RILPL1: variants seen among roughly 807,000 people sequenced by gnomAD.
The protein encoded by RILPL1 is RILP-like protein 1.
Under a neutral mutation model 50.3 loss-of-function variants are expected in RILPL1, and 33 were observed. That is an observed-to-expected ratio of 0.66 (90% CI 0.50 to 0.88). The LOEUF is 0.88. Ranked by LOEUF, RILPL1 falls within the 40% of genes least tolerant of loss-of-function variation. RILPL1 has a pLI of 0.00. For synonymous variants in RILPL1, 205 were observed against 228.6 expected (o/e 0.90, Z 0.93); for missense variants, 418 against 542.5 (o/e 0.77, Z 2.28).
intron 4 of RILPL1, among the ~76,000 whole-genome samples, chr12:123,487,381 C>A (rs558693234): frequency 6.6e-6 from 1 of 152,224 alleles, no homozygotes; most frequent in South Asian, 2.1e-4. Flanking sequence ...CAGCTCACTT[C>A]AACCTCTGCC....
chr12:123,524,050 CCT>C (rs902517308), intron 1 of RILPL1, among the ~76,000 whole-genome samples: 3 of 152,190 alleles, frequency 2.0e-5, no homozygotes, highest in African/African-American at 7.2e-5. Context: ...GAGCCAGAGG[CCT>C]CGAGAATCCT....
chr12:123,472,696 A>G lies in RILPL1; in HGVS notation c.1068-14T>C, dbSNP rs1881275694. On this transcript the variant is annotated splice_polypyrimidine_tract_variant and intron_variant, in intron 6 of 6. Coordinates refer to ENST00000376874, the MANE Select transcript of RILPL1 (RefSeq NM_178314.5). ...AAGAAGCTAAACCTTTGGAAGGGAA[A>G]GCAAACACAGAAATGAGAGCTGACC... 1.3e-6 allele frequency: 2 copies of G among 1,589,724 alleles called. No individual in the cohort carries two copies. The highest frequency in any genetic ancestry group is 1.7e-6 in the Non-Finnish European group (2 of 1,167,788).
intron 1 of RILPL1, among the ~76,000 whole-genome samples, chr12:123,532,860 T>C (rs954943246): frequency 6.6e-6 from 1 of 152,190 alleles, no homozygotes; most frequent in African/African-American, 2.4e-5. Flanking sequence ...TGGGTCCTAT[T>C]ATGATTACCA....
chr12:123,492,552 G>A (rs2139329058), intron 4 of RILPL1, among the ~76,000 whole-genome samples: 1 of 152,308 alleles, frequency 6.6e-6, no homozygotes, highest in East Asian at 1.9e-4. Context: ...CAATAAGGAA[G>A]TTATAAAAAT....
chr12:123,518,342 C>CA (rs1174721740), intron 2 of RILPL1: 4 of 424,710 alleles, frequency 9.4e-6, no homozygotes, highest in Admixed American at 5.2e-5. Context: ...CCGTCTCTAC[C>CA]AAAAAAATTT....
intron 1 of RILPL1, among the ~76,000 whole-genome samples, chr12:123,526,494 G>C (rs1490440889): frequency 6.6e-6 from 1 of 152,042 alleles, no homozygotes; most frequent in Non-Finnish European, 1.5e-5. Flanking sequence ...GGGAAGGGTG[G>C]GTGTGAGGAT....
rs546695017 is a variant in RILPL1, at chr12:123,491,460, A to C, written c.802-5655T>G. Among the ~76,000 whole-genome samples, 1 of 152,320 alleles carries C rather than the reference A, an allele frequency of 6.6e-6. No individual in the cohort carries two copies. The highest frequency in any genetic ancestry group is 2.1e-4 in the South Asian group (1 of 4,834). ...ATCCTGGGTCAGGGCCTCCATCCCG[A>C]GGCCTTAGGAATGCTCCTCACTGCC... On this transcript the variant is annotated intron_variant, in intron 4 of 6. Transcript: ENST00000376874. This position sits in a 1 kb window ranked among gnomAD's most constrained non-coding sequence, Gnocchi z 4.0.
chr12:123,511,271 G>T (rs1884163077), intron 2 of RILPL1, among the ~76,000 whole-genome samples: 1 of 146,206 alleles, frequency 6.8e-6, no homozygotes, highest in Middle Eastern at 3.3e-3. Context: ...TGTGTGTGTG[G>T]TGTGTGCAGT....
chr12:123,507,654 C>T (rs1883831754), intron 2 of RILPL1, among the ~76,000 whole-genome samples: 1 of 150,426 alleles, frequency 6.6e-6, no homozygotes, highest in African/African-American at 2.4e-5. Context: ...TAAAATGGTA[C>T]AGCTAGGCCG....
chr12:123,498,410 T>C lies in RILPL1; in HGVS notation c.801+134A>G, dbSNP rs1287870378. The C allele has an allele frequency of 2.8e-6, 2 of 718,370 alleles. No homozygotes were observed. The highest frequency in any genetic ancestry group is 4.7e-6 in the Non-Finnish European group (2 of 426,294). The allele number at this position is 718,370 out of a possible 1,614,324, so 44.5% of individuals were successfully genotyped here. A position where few individuals can be genotyped will look rare whatever the true frequency, so the allele number is the denominator to read the frequency against. On this transcript the variant is annotated intron_variant, in intron 4 of 6. Transcript: ENST00000376874. The surrounding 1 kb of genome is among the most constrained non-coding windows in gnomAD (Gnocchi z 4.3). ...AATTAAAAAAAATGTTTGTAGAGAA[T>C]TGGGGTCTTGCTATGTTGCCCAGGT...
chr12:123,475,662 C>T, intron 6 of RILPL1: 2 of 1,581,868 alleles, frequency 1.3e-6, no homozygotes, highest in East Asian at 2.2e-5. Context: ...ACAGTGCCTA[C>T]AAGGGAAACA....
rs761830154 is a variant in RILPL1 at position 123,533,259 on chromosome 12, G to C, written c.224C>G (p.Pro75Arg). The C allele has an allele frequency of 3.8e-6, 6 of 1,591,158 alleles. No homozygotes were observed. The highest frequency in any genetic ancestry group is 5.1e-6 in the Non-Finnish European group (6 of 1,174,672). Residue 75 changes from proline to arginine, a missense_variant, in exon 1 of 7, where the codon CCC (proline) becomes CGC (arginine). Pro to Arg is a moderately radical substitution (Grantham distance 103). Transcript: ENST00000376874. This position sits in a 1 kb window ranked among gnomAD's most constrained non-coding sequence, Gnocchi z 6.2. Reference protein sequence around the residue: ...EVLVSRHHVAPELDELRLELD... With the variant: ...EVLVSRHHVARELDELRLELD... ...CTCCAGGCGCAGCTCGTCCAGCTCG[G>C]GCGCGACGTGGTGGCGGCTGACCAG...
intron 2 of RILPL1, among the ~76,000 whole-genome samples, chr12:123,512,298 G>GTGT (rs796415757): frequency 1.0e-3 from 1 of 972 alleles, no homozygotes. Context: ...AGGTCTGTGT[G>GTGT]GAGGTCTGTG....
chr12:123,528,757 G>GTT (rs1885350767), intron 1 of RILPL1, among the ~76,000 whole-genome samples: 1 of 152,070 alleles, frequency 6.6e-6, no homozygotes, highest in Non-Finnish European at 1.5e-5. Flanking sequence ...GCAGCCACAG[G>GTT]GAATGAATAC....
Position 123,499,405 on chromosome 12 carries a change from G to T in RILPL1, c.579+13C>A. On this transcript the variant is annotated intron_variant, in intron 3 of 6. Coordinates refer to ENST00000376874, the MANE Select transcript of RILPL1 (RefSeq NM_178314.5). ...CTGGGAGGGTGGACGCAGGTCAGGG[G>T]TGTGTCACTCACAGCCTCAACGTCC... 3.1e-6 allele frequency: 5 copies of T among 1,588,826 alleles called. No individual in the cohort carries two copies. Among genetic ancestry groups the T allele is most frequent in the Non-Finnish European group, 4.3e-6 (5 of 1,156,920 alleles).
At chr12:123,504,080 G>A (rs982193891) in intron 2 of RILPL1, among the ~76,000 whole-genome samples, 1 of 149,058 alleles carries the variant, frequency 6.7e-6, no homozygotes. Flanking sequence ...GACATCCACA[G>A]GTTCTAGGAA....
intron 6 of RILPL1, 157 bp from the exon 7 acceptor site, chr12:123,472,839 C>T (rs1881291387): frequency 2.8e-6 from 2 of 723,090 alleles, no homozygotes; most frequent in South Asian, 3.6e-5. Context: ...CAAAGTTATT[C>T]CAAGAAAGCA....
chr12:123,525,990 G>A (rs1377111355), intron 1 of RILPL1, among the ~76,000 whole-genome samples: 1 of 152,172 alleles, frequency 6.6e-6, no homozygotes, highest in Non-Finnish European at 1.5e-5. Flanking sequence ...CACAAAGCAG[G>A]GTTGCTGTTG....
intron 2 of RILPL1, among the ~76,000 whole-genome samples, chr12:123,500,034 C>A (rs1221395710): frequency 6.6e-6 from 1 of 151,676 alleles, no homozygotes; most frequent in African/African-American, 2.4e-5. Context: ...CGGGTTCACA[C>A]CATTCTCCTG....
Sources: gnomAD v4.1 joint callset for allele counts (sites outside exome capture counted in the v4.1 genomes callset) on GRCh38, gnomAD v4.1.1 for gene constraint, Gnocchi (gnomAD v3.1) non-coding constraint, MANE v1.5 for transcripts, NCBI Gene and HGNC (gene_info 2026-07-23, HGNC 2026-07-21) for gene names.